The following MCAM variants were observed in gnomAD, a reference collection of about 807,000 sequenced individuals.
MCAM encodes the protein melanoma cell adhesion molecule.
A neutral mutation model predicts 79.1 loss-of-function variants in MCAM; 55 were observed. The observed-to-expected ratio is 0.70, with a 90% CI of 0.56 to 0.87. The LOEUF (loss-of-function observed/expected upper bound fraction) is 0.87, where lower values mean the gene tolerates loss of function less well. Ranked by LOEUF, MCAM falls within the 40% of genes least tolerant of loss-of-function variation. The probability of loss-of-function intolerance (pLI) is 0.00; values close to 1 mark genes in which losing one functional copy is unlikely to be tolerated. For synonymous variants in MCAM, 330 were observed against 339.8 expected, an observed-to-expected ratio of 0.97 and a Z score of 0.32; for missense variants, 745 against 839.8, an observed-to-expected ratio of 0.89 and a Z score of 1.40.
intron 14 of MCAM, 82 bp from the exon 15 acceptor site, chr11:119,310,548 A>G: frequency 8.9e-7 from 1 of 1,120,538 alleles, no homozygotes; most frequent in African/African-American, 1.5e-5. Flanking sequence ...TGTGGAATGG[A>G]TGAGGGCTCC....
chr11:119,314,358 G>A, intron 5 of MCAM, 131 bp downstream of exon 5: 1 of 787,060 alleles, frequency 1.3e-6, no homozygotes, highest in South Asian at 1.6e-5. Flanking sequence ...GTCACCCTAT[G>A]TTGTCCAAGG....
Position 119,316,871 on chromosome 11 carries a change from G to A in MCAM, c.67+164C>T, listed in dbSNP as rs919230254. 4.0e-5 allele frequency: 23 copies of A among 577,338 alleles called. No homozygotes were observed. The highest frequency in any genetic ancestry group is 3.0e-4 in the Admixed American group (9 of 30,418). The allele number at this position is 577,338 out of a possible 1,614,324, so 35.8% of individuals were successfully genotyped here. ...ATCCCGGCTGCAAACTGGCTGCAAA[G>A]AAGAGTTGCTCGCGCGCAAGGCGCC... On this transcript the variant is annotated intron_variant, in intron 1 of 15. Transcript: ENST00000264036. This position sits in a 1 kb window ranked among gnomAD's most constrained non-coding sequence, Gnocchi z 4.8.
intron 5 of MCAM, chr11:119,314,049 T>C: frequency 1.0e-6 from 1 of 980,294 alleles, no homozygotes; most frequent in Non-Finnish European, 1.2e-6. Flanking sequence ...ACTTCTAGAT[T>C]TTTTGTCAGT....
At chr11:119,313,108 C>G in intron 5 of MCAM, 159 bp from the exon 6 acceptor site, 1 of 1,536,746 alleles carries the variant, frequency 6.5e-7, no homozygotes, top group Non-Finnish European at 8.7e-7. Context: ...CAACCCAGCA[C>G]TTTTACTGCT....
Position 119,316,943 on chromosome 11 carries a change from G to A in MCAM, c.67+92C>T. The A allele has an allele frequency of 8.5e-7, 1 of 1,176,576 alleles. No homozygotes were observed. The highest frequency in any genetic ancestry group is 1.2e-6 in the Non-Finnish European group (1 of 853,784). 72.9% of individuals were successfully genotyped at this position (1,176,576 alleles called of 1,614,324 possible). Reference sequence around the variant, plus strand: ...GGAGGCTCGTCCTCCCAGACGCAACGCCCCGACCCCGCCGCGCCGCTGGCT... The same window carrying A: ...GGAGGCTCGTCCTCCCAGACGCAACACCCCGACCCCGCCGCGCCGCTGGCT... On this transcript the variant is annotated intron_variant, in intron 1 of 15. Transcript: ENST00000264036. The surrounding 1 kb of genome is among the most constrained non-coding windows in gnomAD (Gnocchi z 4.8).
rs372392823 is a variant in MCAM at position 119,311,500 on chromosome 11, G to C, written c.1407+30C>G. 1.2e-6 allele frequency: 2 copies of C among 1,614,148 alleles called. No individual in the cohort carries two copies. The highest frequency in any genetic ancestry group is 4.5e-5 in the East Asian group (2 of 44,882). On this transcript the variant is annotated intron_variant, in intron 11 of 15. Transcript: ENST00000264036. This position sits in a 1 kb window ranked among gnomAD's most constrained non-coding sequence, Gnocchi z 4.4. ...GCCACAAAGCGCAGGCAGGGATTAG[G>C]AGAGTGTGGCAGATGAGACACCCGC...
At position 119,309,787 on chromosome 11, in the gene MCAM, A is replaced by C; in HGVS notation, c.*99T>G. On this transcript the variant is annotated 3_prime_UTR_variant, in exon 16 of 16. Transcript: ENST00000264036. ...GGGGTGTGCAGGCGAGGGGAGCAGGAGGCTTCTCTCTAGTCCCTTTGGAGG... is the reference window on the plus strand; with the variant it reads ...GGGGTGTGCAGGCGAGGGGAGCAGGCGGCTTCTCTCTAGTCCCTTTGGAGG... The C allele has an allele frequency of 8.0e-7, 1 of 1,249,190 alleles. No individual in the cohort carries two copies. The highest frequency in any genetic ancestry group is 1.1e-6 in the Non-Finnish European group (1 of 872,336). The allele number at this position is 1,249,190 out of a possible 1,614,324, so 77.4% of individuals were successfully genotyped here.
rs1475630909 is a variant in MCAM, at chr11:119,311,587, C to T, written c.1350G>A (p.Leu450=). 1.2e-6 allele frequency: 2 copies of T among 1,614,144 alleles called. No individual in the cohort carries two copies. The highest frequency in any genetic ancestry group is 1.1e-5 in the South Asian group (1 of 91,078). ...GGGGGTGCCCTGACGCTTCACAAGA[C>T]AGATTCAACACCATATTCTCTTTCA... The part of the protein sequence containing the change: ...VWVKENMVLN[L]SCEASGHPRP... The change falls in exon 11 of 16, where the codon CTG becomes CTA. Residue 450 remains leucine (L), a synonymous_variant. Transcript: ENST00000264036. This position sits in a 1 kb window ranked among gnomAD's most constrained non-coding sequence, Gnocchi z 4.4.
chr11:119,310,332 C>T lies in MCAM; in HGVS notation c.1911+17G>A. 11 of 1,557,954 alleles carry T rather than the reference C, an allele frequency of 7.1e-6. No homozygotes were observed. Among genetic ancestry groups the T allele is most frequent in the Non-Finnish European group, 9.7e-6 (11 of 1,129,738 alleles). ...CTGAGGATGTGGCAGGCTCTGGCCA[C>T]AGGAACCGCCTCCTACCTGGTCTCC... is the stretch of plus-strand genomic sequence containing the variant. On this transcript the variant is annotated intron_variant, in intron 15 of 15. Coordinates refer to ENST00000264036, the MANE Select transcript of MCAM (RefSeq NM_006500.3).
intron 4 of MCAM, 45 bp from the exon 5 acceptor site, chr11:119,314,621 C>T (rs1591287020): frequency 6.2e-7 from 1 of 1,611,856 alleles, no homozygotes; most frequent in Non-Finnish European, 8.5e-7. Context: ...GAGCCCCCTT[C>T]AAGCCCCATC....
intron 3 of MCAM, 25 bp from the exon 4 acceptor site, chr11:119,314,774 G>A (rs1248049615): frequency 6.2e-7 from 1 of 1,613,266 alleles, no homozygotes; most frequent in Non-Finnish European, 8.5e-7. Flanking sequence ...AAATGAGGGG[G>A]ACATCTGGCC....
At chr11:119,314,627 C>G (rs758973937) in intron 4 of MCAM, 51 bp from the exon 5 acceptor site, 14 of 1,611,600 alleles carry the variant, frequency 8.7e-6, no homozygotes. Context: ...CCTTCAAGCC[C>G]CATCTCAGCG....
At position 119,317,107 on chromosome 11, in the gene MCAM, C is replaced by T. The variant is rs1057388351; in HGVS notation, c.-6G>A. 2.0e-6 allele frequency: 3 copies of T among 1,523,738 alleles called. No individual in the cohort carries two copies. Among genetic ancestry groups the T allele is most frequent in the Non-Finnish European group, 2.6e-6 (3 of 1,139,958 alleles). 94.4% of individuals were successfully genotyped at this position (1,523,738 alleles called of 1,614,324 possible). On this transcript the variant is annotated 5_prime_UTR_variant, in exon 1 of 16. Coordinates refer to ENST00000264036, the MANE Select transcript of MCAM (RefSeq NM_006500.3). The surrounding 1 kb of genome is among the most constrained non-coding windows in gnomAD (Gnocchi z 6.2). The stretch of plus-strand genomic sequence containing the variant: ...ACCAGCCTGGGAAGCCCCATGCTTC[C>T]CGGCCGGAGGGCGAGAGCCAAGTGA...
Position 119,314,979 on chromosome 11 carries a change from G to A in MCAM, c.254C>T (p.Pro85Leu). ...GCTGAGCCGCTGCTCGTACTCCCCA[G>A]GTTCGCTCTGGCCCTGGCCCTGGCG... ...RVRQGQGQSE[P>L]GEYEQRLSLQ... Residue 85 changes from proline to leucine, a missense_variant, in exon 3 of 16, where the codon CCT (proline) becomes CTT (leucine). By Grantham distance (98) the Pro-to-Leu change is moderately conservative. Coordinates refer to ENST00000264036, the MANE Select transcript of MCAM (RefSeq NM_006500.3). 6.2e-7 allele frequency: 1 copy of A among 1,611,226 alleles called. No homozygotes were observed. The highest frequency in any genetic ancestry group is 8.5e-7 in the Non-Finnish European group (1 of 1,179,984).
At chr11:119,313,253 T>C in intron 5 of MCAM, 2 of 1,387,174 alleles carry the variant, frequency 1.4e-6, no homozygotes, top group East Asian at 3.8e-5. Flanking sequence ...CTACCTGCTA[T>C]GCGTAGTATG....
chr11:119,316,269 C>T lies in MCAM; in HGVS notation c.67+766G>A, dbSNP rs1950310007. The T allele has an allele frequency of 6.6e-6, 1 of 152,196 alleles. No individual in the cohort carries two copies. Among genetic ancestry groups the T allele is most frequent in the Admixed American group, 6.5e-5 (1 of 15,274 alleles). The allele number at this position is 152,196 out of a possible 1,614,324, so 9.4% of individuals were successfully genotyped here. A position where few individuals can be genotyped will look rare whatever the true frequency, so the allele number is the denominator to read the frequency against. On this transcript the variant is annotated intron_variant, in intron 1 of 15. Transcript: ENST00000264036. The surrounding 1 kb of genome is among the most constrained non-coding windows in gnomAD (Gnocchi z 4.8). Reference sequence around the variant, plus strand: ...GCGGCTGGGACGGCGGAATGGGAGCCAAGAGAAACACGCGACACCGCTGCG... The same window carrying T: ...GCGGCTGGGACGGCGGAATGGGAGCTAAGAGAAACACGCGACACCGCTGCG...
rs951473483 is a variant in MCAM, at chr11:119,312,974, G to A, written c.560-25C>T. On this transcript the variant is annotated intron_variant, in intron 5 of 15. Transcript: ENST00000264036. The surrounding 1 kb of genome is among the most constrained non-coding windows in gnomAD (Gnocchi z 4.9). ...CCTGGGCAGGGAGGAAGGGGAGGAAGACTCAGCCTCAGCCCCACCTCCAGC... is the reference window on the plus strand; with the variant it reads ...CCTGGGCAGGGAGGAAGGGGAGGAAAACTCAGCCTCAGCCCCACCTCCAGC... The A allele has an allele frequency of 6.2e-7, 1 of 1,613,584 alleles. No individual in the cohort carries two copies. The highest frequency in any genetic ancestry group is 2.2e-5 in the East Asian group (1 of 44,894).
chr11:119,311,797 G>T lies in MCAM; in HGVS notation c.1285+11C>A. Reference sequence around the variant, plus strand: ...GGGTGACCTGGTCTCTACCCAGAGGGAGGGCCTCACCAAAAATGGCCACGT... The same window carrying T: ...GGGTGACCTGGTCTCTACCCAGAGGTAGGGCCTCACCAAAAATGGCCACGT... On this transcript the variant is annotated intron_variant, in intron 10 of 15. Transcript: ENST00000264036. This position sits in a 1 kb window ranked among gnomAD's most constrained non-coding sequence, Gnocchi z 4.4. 6.2e-7 allele frequency: 1 copy of T among 1,613,930 alleles called. No homozygotes were observed. Among genetic ancestry groups the T allele is most frequent in the East Asian group, 2.2e-5 (1 of 44,866 alleles).
In MCAM at chr11:119,311,871, C is replaced by T. The variant is rs550592393; in HGVS notation, c.1222G>A (p.Val408Met). Reference protein sequence around the residue: ...KREAGGGYRCVASVPSIPGLN... With the variant: ...KREAGGGYRCMASVPSIPGLN... ...CCGGGTATGCTGGGCACAGACGCCA[C>T]GCAGCGATAGCCGCCTCCTGCCTCC... Residue 408 changes from valine to methionine, a missense_variant, in exon 10 of 16, where the codon GTG becomes ATG. By Grantham distance (21) the Val-to-Met change is conservative (BLOSUM62 1). Transcript: ENST00000264036. This position sits in a 1 kb window ranked among gnomAD's most constrained non-coding sequence, Gnocchi z 4.4. 1.7e-5 allele frequency: 28 copies of T among 1,614,128 alleles called. No individual in the cohort carries two copies. Among genetic ancestry groups the T allele is most frequent in the Middle Eastern group, 1.6e-4 (1 of 6,062 alleles).
Sources: gnomAD v4.1 joint callset for allele counts on GRCh38, gnomAD v4.1.1 for gene constraint, Gnocchi (gnomAD v3.1) non-coding constraint, MANE v1.5 for transcripts, NCBI Gene and HGNC (gene_info 2026-07-23, HGNC 2026-07-21) for gene names.